The following ASIC2 variants were observed in gnomAD, a reference collection of about 807,000 sequenced individuals.
ASIC2 encodes the protein acid sensing ion channel subunit 2.
In ASIC2, 25 loss-of-function variants were observed where a neutral mutation model predicts 57.3. The observed-to-expected ratio is 0.44, with a 90% CI of 0.32 to 0.61. The LOEUF is 0.61. ASIC2 is among the 20% of genes least tolerant of loss of function. ASIC2 has a pLI of 0.06. For synonymous variants in ASIC2, 319 were observed against 307.5 expected, an observed-to-expected ratio of 1.04 and a Z score of -0.39; for missense variants, 641 against 738.1, an observed-to-expected ratio of 0.87 and a Z score of 1.52.
At chr17:33,052,583 G>A (rs2091981268) in intron 3 of ASIC2, 1 of 152,124 alleles carries the variant, frequency 6.6e-6, no homozygotes, top group Non-Finnish European at 1.5e-5. Context: ...GGATAGATAG[G>A]GCAGAGGACA....
At chr17:33,025,136 C>T (rs755430839) in intron 5 of ASIC2, among the ~76,000 whole-genome samples, 5 of 152,174 alleles carry the variant, frequency 3.3e-5, no homozygotes, top group Non-Finnish European at 5.9e-5. Context: ...GCCAGCACTG[C>T]CTCACTTAGC....
chr17:33,236,495 T>G (rs903686093), intron 1 of ASIC2, among the ~76,000 whole-genome samples: 1 of 152,008 alleles, frequency 6.6e-6, no homozygotes, highest in African/African-American at 2.4e-5. Context: ...AGGTGCACGC[T>G]ACTACACCCA....
intron 1 of ASIC2, among the ~76,000 whole-genome samples, chr17:33,579,413 G>C (rs568100107): frequency 9.2e-5 from 14 of 152,128 alleles, no homozygotes; most frequent in African/African-American, 3.4e-4. Context: ...GGGGAAGGTA[G>C]AAAACAAGGA....
chr17:33,155,171 C>T (rs908565995), intron 1 of ASIC2, among the ~76,000 whole-genome samples: 2 of 152,238 alleles, frequency 1.3e-5, no homozygotes, highest in Non-Finnish European at 2.9e-5. Flanking sequence ...CATCGAGGAG[C>T]CCAGCGCCCA....
At position 33,443,784 on chromosome 17, in the gene ASIC2, A is replaced by AT. The variant is rs201825448; in HGVS notation, c.556-331718dup. On this transcript the variant is annotated intron_variant, in intron 1 of 9. Transcript: ENST00000359872. ...AGAGAGAGGCCTATTCAGATTTTCT[A>AT]TTTTTTTTTCTCGAATCAGTTTGGT... Among the ~76,000 whole-genome samples the AT allele has an allele frequency of 4.4e-3, 658 of 150,294 alleles. 12 individuals are homozygous for AT. Among genetic ancestry groups the AT allele is most frequent in the African/African-American group, 0.014 (572 of 40,888 alleles).
intron 1 of ASIC2, among the ~76,000 whole-genome samples, chr17:33,221,739 G>A (rs1907696939): frequency 6.6e-6 from 1 of 152,058 alleles, no homozygotes; most frequent in Non-Finnish European, 1.5e-5. Context: ...TTATTGTACA[G>A]GAAAATCGTA....
At chr17:33,817,436 T>A (rs2141890447) in intron 1 of ASIC2, among the ~76,000 whole-genome samples, 1 of 152,330 alleles carries the variant, frequency 6.6e-6, no homozygotes, top group East Asian at 1.9e-4. Context: ...GTCTCTAACC[T>A]GCTCACAGAC....
chr17:33,299,554 C>T lies in ASIC2; in HGVS notation c.556-187487G>A, dbSNP rs542892003. Among the ~76,000 whole-genome samples the T allele has an allele frequency of 5.3e-5, 8 of 151,198 alleles. 1 individual carries two copies. In the South Asian group the frequency reaches 6.3e-4, roughly 12 times the overall value. ...CCCTCACTCTGTTTTTTTTTGTACA[C>T]GCTTGGCCTCACCTAATTCTCTCTT... is the stretch of plus-strand genomic sequence containing the variant. On this transcript the variant is annotated intron_variant, in intron 1 of 9. Transcript: ENST00000359872.
At chr17:34,013,830 G>A (rs939591249) in intron 1 of ASIC2, among the ~76,000 whole-genome samples, 1 of 152,154 alleles carries the variant, frequency 6.6e-6, no homozygotes, top group East Asian at 1.9e-4. Context: ...TCCAGGCAGG[G>A]GGCACCTGAA....
chr17:33,708,197 T>C (rs550690234), intron 1 of ASIC2, among the ~76,000 whole-genome samples: 3 of 152,334 alleles, frequency 2.0e-5, no homozygotes, highest in Admixed American at 2.0e-4. Context: ...ACACCTTAAT[T>C]TTTGAAGACA....
At chr17:33,055,062 T>G (rs1181520932) in intron 3 of ASIC2, among the ~76,000 whole-genome samples, 1 of 152,132 alleles carries the variant, frequency 6.6e-6, no homozygotes, top group Non-Finnish European at 1.5e-5. Context: ...GACATTGGGG[T>G]GGTTTACCCC....
intron 1 of ASIC2, among the ~76,000 whole-genome samples, chr17:33,242,482 C>T (rs1433095427): frequency 2.6e-5 from 4 of 152,038 alleles, no homozygotes; most frequent in Non-Finnish European, 4.4e-5. Context: ...ATATTATTAT[C>T]CCCATTTCAC....
chr17:33,242,099 A>G (rs1398227858), intron 1 of ASIC2, among the ~76,000 whole-genome samples: 3 of 152,124 alleles, frequency 2.0e-5, no homozygotes, highest in Non-Finnish European at 4.4e-5. Context: ...CAGGCAGATC[A>G]CGAGGTCGGG....
At chr17:33,782,257 T>C (rs1250764987) in intron 1 of ASIC2, among the ~76,000 whole-genome samples, 1 of 152,006 alleles carries the variant, frequency 6.6e-6, no homozygotes, top group Non-Finnish European at 1.5e-5. Flanking sequence ...CTTTATCTTA[T>C]TTTTTTCCCC....
intron 1 of ASIC2, among the ~76,000 whole-genome samples, chr17:34,075,628 C>T (rs141373772): frequency 6.6e-6 from 1 of 152,068 alleles, no homozygotes; most frequent in South Asian, 2.1e-4. Flanking sequence ...GAAGCTACAA[C>T]AGCCCACCCA....
intron 1 of ASIC2, among the ~76,000 whole-genome samples, chr17:34,098,372 A>G (rs1000698320): frequency 1.4e-4 from 22 of 152,288 alleles, no homozygotes; most frequent in African/African-American, 3.8e-4. Flanking sequence ...TAAATTCCCA[A>G]TTGAAAAACA....
At chr17:33,709,311 C>T (rs1204623181) in intron 1 of ASIC2, among the ~76,000 whole-genome samples, 1 of 152,164 alleles carries the variant, frequency 6.6e-6, no homozygotes, top group Non-Finnish European at 1.5e-5. Context: ...TGTCTGAATC[C>T]CCAGAAACTG....
chr17:33,190,511 T>G (rs1906372067), intron 1 of ASIC2, among the ~76,000 whole-genome samples: 1 of 152,160 alleles, frequency 6.6e-6, no homozygotes, highest in Non-Finnish European at 1.5e-5. Flanking sequence ...TCAGCAGGAT[T>G]TTTAAAAAAT....
In ASIC2 at chr17:33,293,185, T is replaced by G. The variant is rs1009653484; in HGVS notation, c.-1070A>C. On this transcript the variant is annotated 5_prime_UTR_variant, in exon 1 of 10. Coordinates refer to ENST00000225823, the MANE Select transcript of ASIC2 (RefSeq NM_183377.2). ...ACGCCGGCTAAGCTCCTTCCCCGGT[T>G]GCCCGGGAGAACCCTCTTTGGGCCC... is the stretch of plus-strand genomic sequence containing the variant. Among the ~76,000 whole-genome samples the G allele has an allele frequency of 2.0e-5, 3 of 152,152 alleles. No homozygotes were observed. Among genetic ancestry groups the G allele is most frequent in the African/African-American group, 7.2e-5 (3 of 41,444 alleles).
Sources: allele counts gnomAD v4.1 joint callset (sites outside exome capture counted in the v4.1 genomes callset), GRCh38; gene constraint gnomAD v4.1.1; transcripts MANE v1.5; gene names NCBI Gene and HGNC (gene_info 2026-07-23, HGNC 2026-07-21).